ROBO2: variants seen among roughly 807,000 people sequenced by gnomAD.
ROBO2 encodes the protein roundabout homolog 2.
A neutral mutation model predicts 160.8 loss-of-function variants in ROBO2; 53 were observed. The observed-to-expected ratio is 0.33, with a 90% confidence interval of 0.26 to 0.41. The LOEUF (loss-of-function observed/expected upper bound fraction) is 0.41, where lower values mean the gene tolerates loss of function less well. Among genes scored for constraint, ROBO2 ranks in the 10% least tolerant of loss-of-function variants. The pLI is 1.00. For missense variants in ROBO2, 1,577 were observed against 1,722.4 expected, an observed-to-expected ratio of 0.92 and a Z score of 1.49; for synonymous variants, 664 against 611.7, an observed-to-expected ratio of 1.09 and a Z score of -1.26.
At chr3:77,241,173 A>T (rs1247617654) in intron 2 of ROBO2, among the ~76,000 whole-genome samples, 1 of 152,234 alleles carries the variant, frequency 6.6e-6, no homozygotes, top group African/African-American at 2.4e-5. Context: ...GACATATTGT[A>T]GACATATACA....
chr3:77,021,023 A>G (rs756047581), intron 2 of ROBO2, among the ~76,000 whole-genome samples: 55 of 152,038 alleles, frequency 3.6e-4, no homozygotes, highest in Non-Finnish European at 6.2e-4. Context: ...TGGGCAACAT[A>G]GTGAGACCTC....
At chr3:77,221,851 T>TTCC (rs1470128200) in intron 2 of ROBO2, among the ~76,000 whole-genome samples, 8 of 149,238 alleles carry the variant, frequency 5.4e-5, no homozygotes, top group African/African-American at 2.0e-4. Context: ...TCTTTTTCTT[T>TTCC]TTCTTTTTTT....
At chr3:75,923,509 G>T (rs1439719100) in intron 1 of ROBO2, among the ~76,000 whole-genome samples, 1 of 152,186 alleles carries the variant, frequency 6.6e-6, no homozygotes, top group African/African-American at 2.4e-5. Context: ...AGCAGGTGAT[G>T]TCACCACTGC....
chr3:76,934,729 G>A (rs960150981), intron 2 of ROBO2, among the ~76,000 whole-genome samples: 65 of 140,204 alleles, frequency 4.6e-4, no homozygotes, highest in African/African-American at 1.8e-3. Context: ...GTGACAGAGC[G>A]AGACTCCATC....
rs572762371 is a variant in ROBO2, at chr3:77,272,362, G to T, written c.388+174022G>T. ...CAGGAAACTTACAGTCGTGGCAGAA[G>T]GTGAAGGGGAAGCAGACATGTCTTA... is the stretch of plus-strand genomic sequence containing the variant. On this transcript the variant is annotated intron_variant, in intron 2 of 25. Coordinates refer to ENST00000461745, the Ensembl canonical transcript of ROBO2. Among the ~76,000 whole-genome samples, 18 of 152,310 alleles carry T rather than the reference G, an allele frequency of 1.2e-4. 1 individual carries two copies. The South Asian group carries it at 3.7e-3, about 32-fold the overall frequency.
At chr3:76,004,874 GTTA>G in intron 2 of ROBO2, among the ~76,000 whole-genome samples, 1 of 152,276 alleles carries the variant, frequency 6.6e-6, no homozygotes, top group African/African-American at 2.4e-5. Context: ...AGAAAATGCT[GTTA>G]TTATTGTTTG....
intron 2 of ROBO2, among the ~76,000 whole-genome samples, chr3:77,303,753 C>G (rs2062856814): frequency 1.3e-5 from 2 of 151,782 alleles, no homozygotes. Flanking sequence ...TGTTGTACAT[C>G]TTGAATATAT....
chr3:76,791,390 T>C (rs2063339983), intron 2 of ROBO2, among the ~76,000 whole-genome samples: 1 of 151,816 alleles, frequency 6.6e-6, no homozygotes, highest in Non-Finnish European at 1.5e-5. Flanking sequence ...CAATAGACTG[T>C]GGCAGAAGAG....
intron 2 of ROBO2, among the ~76,000 whole-genome samples, chr3:77,356,416 A>G (rs2153463006): frequency 6.6e-6 from 1 of 152,238 alleles, no homozygotes; most frequent in Middle Eastern, 3.4e-3. Flanking sequence ...CTAAATTCAG[A>G]GAAAAACAAC....
intron 2 of ROBO2, among the ~76,000 whole-genome samples, chr3:76,962,410 A>G (rs1274530478): frequency 3.9e-5 from 6 of 151,922 alleles, no homozygotes; most frequent in African/African-American, 1.5e-4. Context: ...AGGCTGAGGC[A>G]GGCAGATCAC....
chr3:76,408,589 A>G (rs1436873814), intron 2 of ROBO2, among the ~76,000 whole-genome samples: 1 of 152,086 alleles, frequency 6.6e-6, no homozygotes, highest in Non-Finnish European at 1.5e-5. Flanking sequence ...GTCTGGAAAA[A>G]CGTGTTCTTG....
At chr3:76,436,663 G>A (rs1213097835) in intron 2 of ROBO2, among the ~76,000 whole-genome samples, 1 of 151,722 alleles carries the variant, frequency 6.6e-6, no homozygotes, top group Non-Finnish European at 1.5e-5. Context: ...ATAGAATAAA[G>A]TTAATACCAA....
intron 2 of ROBO2, among the ~76,000 whole-genome samples, chr3:76,684,598 A>G (rs2092644162): frequency 6.6e-6 from 1 of 152,168 alleles, no homozygotes; most frequent in South Asian, 2.1e-4. Flanking sequence ...AAGAGTTTAC[A>G]TCAATGCATA....
chr3:77,294,275 C>T (rs1243992917), intron 2 of ROBO2, among the ~76,000 whole-genome samples: 1 of 102,182 alleles, frequency 9.8e-6, no homozygotes, highest in African/African-American at 3.0e-5. Context: ...GAAGTTGAGG[C>T]TAGAGCACTA....
chr3:77,053,003 A>G (rs180715209), intron 1 of ROBO2, among the ~76,000 whole-genome samples: 1 of 152,186 alleles, frequency 6.6e-6, no homozygotes, highest in Admixed American at 6.5e-5. Flanking sequence ...GTTTGTATCT[A>G]TAGGCTGGTT....
At chr3:77,309,368 A>G (rs2063357498) in intron 2 of ROBO2, among the ~76,000 whole-genome samples, 1 of 152,176 alleles carries the variant, frequency 6.6e-6, no homozygotes, top group South Asian at 2.1e-4. Context: ...ACAAGAAGAA[A>G]TGGGAAATAT....
At chr3:76,827,589 A>G (rs558984245) in intron 2 of ROBO2, among the ~76,000 whole-genome samples, 1 of 152,286 alleles carries the variant, frequency 6.6e-6, no homozygotes, top group East Asian at 1.9e-4. Context: ...GTTCAAGTTT[A>G]ATGACATAGT....
chr3:77,400,635 C>T (rs1012792572), intron 2 of ROBO2, among the ~76,000 whole-genome samples: 2 of 152,116 alleles, frequency 1.3e-5, no homozygotes, highest in Admixed American at 6.6e-5. Context: ...CTGAGTCACA[C>T]TTCTTTGATT....
intron 2 of ROBO2, among the ~76,000 whole-genome samples, chr3:76,380,562 A>G (rs998051449): frequency 1.3e-5 from 2 of 152,082 alleles, no homozygotes; most frequent in Non-Finnish European, 2.9e-5. Context: ...TGGTTTTCCT[A>G]ATAACATTTT....
Sources: gnomAD v4.1 joint callset for allele counts (sites outside exome capture counted in the v4.1 genomes callset) on GRCh38, gnomAD v4.1.1 for gene constraint, MANE v1.5 for transcripts, NCBI Gene and HGNC (gene_info 2026-07-23, HGNC 2026-07-21) for gene names.